The following ROBO2 variants were observed in gnomAD, a reference collection of about 807,000 sequenced individuals.
ROBO2 encodes roundabout homolog 2.
A neutral mutation model predicts 160.8 loss-of-function variants in ROBO2; 53 were observed. The ratio of observed to expected loss-of-function variants is 0.33; its 90% CI spans 0.26 to 0.41. The LOEUF (loss-of-function observed/expected upper bound fraction) is 0.41, where lower values mean the gene tolerates loss of function less well. Among genes scored for constraint, ROBO2 ranks in the 10% least tolerant of loss-of-function variants. The probability of loss-of-function intolerance (pLI) is 1.00; values close to 1 mark genes in which losing one functional copy is unlikely to be tolerated. For synonymous variants in ROBO2, 664 were observed against 611.7 expected (o/e 1.09, Z -1.26); for missense variants, 1,577 against 1,722.4 (o/e 0.92, Z 1.49).
intron 2 of ROBO2, among the ~76,000 whole-genome samples, chr3:76,683,398 GTATAA>G (rs1294760991): frequency 7.2e-6 from 1 of 138,756 alleles, no homozygotes; most frequent in Non-Finnish European, 1.5e-5. Flanking sequence ...AGTTGCTTCA[GTATAA>G]TATGATTCAG....
chr3:76,036,079 A>G (rs1449299252), intron 2 of ROBO2, among the ~76,000 whole-genome samples: 10 of 152,014 alleles, frequency 6.6e-5, no homozygotes, highest in Admixed American at 5.9e-4. Flanking sequence ...CCATTTTTAT[A>G]AACTTCTACA....
rs534284898 is a variant in ROBO2 at position 76,690,959 on chromosome 3, T to G, written c.110-407055T>G. On this transcript the variant is annotated intron_variant, in intron 2 of 26. Coordinates refer to the ROBO2 transcript ENST00000487694. Reference sequence around the variant, plus strand: ...CTGGAGCCTGGCATGCTGGCATGTATCTGTAGTCCTAGCTTCTCAAGAGGC... The same window carrying G: ...CTGGAGCCTGGCATGCTGGCATGTAGCTGTAGTCCTAGCTTCTCAAGAGGC... Among the ~76,000 whole-genome samples the G allele has an allele frequency of 2.0e-4, 31 of 152,198 alleles. 1 individual carries two copies. The South Asian group carries it at 6.0e-3, about 29-fold the overall frequency.
intron 4 of ROBO2, among the ~76,000 whole-genome samples, chr3:77,491,126 T>G (rs1302935336): frequency 1.3e-5 from 2 of 152,100 alleles, no homozygotes; most frequent in Non-Finnish European, 2.9e-5. Context: ...CTCACCACTT[T>G]CCCCAATGTA....
intron 6 of ROBO2, among the ~76,000 whole-genome samples, chr3:77,532,127 G>T (rs1260063509): frequency 6.6e-6 from 1 of 152,062 alleles, no homozygotes; most frequent in Admixed American, 6.6e-5. Context: ...TTCTCAGGCT[G>T]AGCTGGTTCT....
intron 2 of ROBO2, among the ~76,000 whole-genome samples, chr3:76,235,826 A>G (rs1704910109): frequency 6.6e-6 from 1 of 152,192 alleles, no homozygotes; most frequent in Non-Finnish European, 1.5e-5. Flanking sequence ...AAGTTTTGAG[A>G]ACTTTGGTGG....
chr3:76,827,347 T>C (rs920449007), intron 2 of ROBO2, among the ~76,000 whole-genome samples: 1 of 152,202 alleles, frequency 6.6e-6, no homozygotes, highest in African/African-American at 2.4e-5. Context: ...TTCTGAACAC[T>C]TACTATTTGA....
rs543246087 is a variant in ROBO2, at chr3:77,628,427, C to T, written c.3760+5995C>T. Among the ~76,000 whole-genome samples the T allele has an allele frequency of 1.4e-4, 20 of 138,400 alleles. No individual in the cohort carries two copies. In the South Asian group the frequency reaches 4.7e-3, roughly 33 times the overall value. The allele number at this position is 138,400 out of a possible 152,430, so 90.8% of individuals were successfully genotyped here. The stretch of plus-strand genomic sequence containing the variant: ...TATTTTCATTCATTCATTATCTTTT[C>T]TTCTCTCTCTCTCTTTTTGTGGGGG... On this transcript the variant is annotated intron_variant, in intron 23 of 25. Coordinates refer to ENST00000461745, the Ensembl canonical transcript of ROBO2.
chr3:77,394,081 C>T (rs1239387779), intron 2 of ROBO2, among the ~76,000 whole-genome samples: 2 of 152,088 alleles, frequency 1.3e-5, no homozygotes, highest in Non-Finnish European at 2.9e-5. Flanking sequence ...TTGTTTCCAA[C>T]ACCATAACAG....
At chr3:77,167,862 T>C (rs763151687) in intron 2 of ROBO2, among the ~76,000 whole-genome samples, 31 of 152,060 alleles carry the variant, frequency 2.0e-4, no homozygotes, top group Non-Finnish European at 1.0e-4. Context: ...TTTCTAATTG[T>C]CTTCCAAAAA....
intron 2 of ROBO2, among the ~76,000 whole-genome samples, chr3:76,022,474 A>G (rs1444163034): frequency 2.0e-5 from 3 of 151,798 alleles, no homozygotes. Context: ...TAAAACTTGA[A>G]AGTTGAAATT....
chr3:76,973,462 T>C (rs944939338), intron 2 of ROBO2, among the ~76,000 whole-genome samples: 1 of 152,018 alleles, frequency 6.6e-6, no homozygotes, highest in Non-Finnish European at 1.5e-5. Flanking sequence ...AAGAATATCA[T>C]AGAAAGAATA....
chr3:77,150,057 A>G (rs1286223560), intron 2 of ROBO2, among the ~76,000 whole-genome samples: 1 of 152,192 alleles, frequency 6.6e-6, no homozygotes, highest in Non-Finnish European at 1.5e-5. Flanking sequence ...ATACATGATT[A>G]TATAATTGTT....
intron 2 of ROBO2, among the ~76,000 whole-genome samples, chr3:76,261,202 G>GTGTGTA (rs368720562): frequency 2.8e-4 from 19 of 67,136 alleles, no homozygotes; most frequent in Admixed American, 5.2e-4. Context: ...GTGTGTGTGT[G>GTGTGTA]TATATATATA....
intron 2 of ROBO2, among the ~76,000 whole-genome samples, chr3:76,286,656 T>G (rs1708520068): frequency 6.6e-6 from 1 of 152,256 alleles, no homozygotes; most frequent in Admixed American, 6.5e-5. Flanking sequence ...GAGAAGTATT[T>G]ACAGTGAGGA....
chr3:76,853,502 C>T (rs192607640), intron 2 of ROBO2, among the ~76,000 whole-genome samples: 1 of 152,138 alleles, frequency 6.6e-6, no homozygotes, highest in African/African-American at 2.4e-5. Context: ...CCATGGATAG[C>T]CTTAGAGTCA....
intron 2 of ROBO2, among the ~76,000 whole-genome samples, chr3:76,507,327 A>G (rs2080849417): frequency 6.6e-6 from 1 of 152,108 alleles, no homozygotes; most frequent in African/African-American, 2.4e-5. Context: ...ATTAGGTTTT[A>G]TAATTTTAAA....
At chr3:76,915,432 G>A (rs1015386295) in intron 2 of ROBO2, among the ~76,000 whole-genome samples, 4 of 152,154 alleles carry the variant, frequency 2.6e-5, no homozygotes, top group African/African-American at 4.8e-5. Context: ...AGGCCAAGGC[G>A]GGTGGATCAC....
chr3:76,623,506 T>C (rs1266658898), intron 2 of ROBO2, among the ~76,000 whole-genome samples: 3 of 152,210 alleles, frequency 2.0e-5, no homozygotes, highest in Non-Finnish European at 4.4e-5. Context: ...AGTCCTTAAG[T>C]ATTTACTAAT....
chr3:77,039,904 G>T (rs902627429), exon 1 of ROBO2: 9 of 160,684 alleles, frequency 5.6e-5, no homozygotes, highest in African/African-American at 1.7e-4. Flanking sequence ...GCCTCAGCGC[G>T]CCTGGCGCTG....
Sources: gnomAD v4.1 joint callset for allele counts (sites outside exome capture counted in the v4.1 genomes callset) on GRCh38, gnomAD v4.1.1 for gene constraint, MANE v1.5 for transcripts, NCBI Gene and HGNC (gene_info 2026-07-23, HGNC 2026-07-21) for gene names.